The following NCOA6 variants were observed in gnomAD, a reference collection of about 807,000 sequenced individuals.
NCOA6 encodes nuclear receptor coactivator 6.
NCOA6 carries 49 observed loss-of-function variants against 171.4 expected under a neutral mutation model. The observed-to-expected ratio is 0.29, with a 90% CI of 0.23 to 0.36. The LOEUF is 0.36. Among genes scored for constraint, NCOA6 ranks in the 10% least tolerant of loss-of-function variants. The pLI, the probability that NCOA6 is intolerant of heterozygous loss-of-function variation, is 1.00. For missense variants in NCOA6, 2,248 were observed against 2,554.5 expected (o/e 0.88, Z 2.59); for synonymous variants, 910 against 927.5 (o/e 0.98, Z 0.34).
chr20:34,775,049 G>A (rs2077265269), intron 4 of NCOA6, among the ~76,000 whole-genome samples: 1 of 152,180 alleles, frequency 6.6e-6, no homozygotes, highest in Non-Finnish European at 1.5e-5. Flanking sequence ...ACTAGGGGAA[G>A]GGGGTTGGTA....
At chr20:34,725,254 A>G (rs1989825858) in intron 14 of NCOA6, among the ~76,000 whole-genome samples, 1 of 152,226 alleles carries the variant, frequency 6.6e-6, no homozygotes, top group South Asian at 2.1e-4. Flanking sequence ...ATCAGACATA[A>G]TCTCCTGCCC....
intron 1 of NCOA6, among the ~76,000 whole-genome samples, chr20:34,824,496 T>G (rs2079095032): frequency 6.6e-6 from 1 of 152,232 alleles, no homozygotes; most frequent in African/African-American, 2.4e-5. Flanking sequence ...CCTCTCCAGG[T>G]GACTCTGCTC....
intron 14 of NCOA6, among the ~76,000 whole-genome samples, chr20:34,716,785 C>A (rs562411714): frequency 2.4e-4 from 37 of 151,460 alleles, no homozygotes; most frequent in Non-Finnish European, 5.0e-4. Context: ...AAAAAAAATT[C>A]TACACAAAGT....
intron 10 of NCOA6, among the ~76,000 whole-genome samples, chr20:34,743,896 G>C (rs2076226881): frequency 6.6e-6 from 1 of 152,240 alleles, no homozygotes. Context: ...AAAATTCTAG[G>C]ATTCAGTTCC....
Position 34,792,576 on chromosome 20 carries a change from A to C in NCOA6, c.-163-13T>G, listed in dbSNP as rs2077922278. The C allele has an allele frequency of 5.0e-6, 2 of 398,382 alleles. No individual in the cohort carries two copies. Among genetic ancestry groups the C allele is most frequent in the Admixed American group, 8.8e-5 (2 of 22,658 alleles). 24.7% of individuals were successfully genotyped at this position (398,382 alleles called of 1,614,324 possible). ...CCAAATCAAAATTCTAAAAACAAAC[A>C]ACAACAACAACAACAAAAAGAGAGA... is the stretch of plus-strand genomic sequence containing the variant. On this transcript the variant is annotated splice_polypyrimidine_tract_variant and intron_variant, in intron 1 of 14. Transcript: ENST00000359003.
At chr20:34,763,887 A>G (rs2145901817) in intron 5 of NCOA6, among the ~76,000 whole-genome samples, 1 of 152,230 alleles carries the variant, frequency 6.6e-6, no homozygotes, top group East Asian at 1.9e-4. Flanking sequence ...CTGAATTCTA[A>G]CTTGCTTCTT....
At chr20:34,759,350 T>C (rs1222000054) in intron 5 of NCOA6, among the ~76,000 whole-genome samples, 1 of 152,224 alleles carries the variant, frequency 6.6e-6, no homozygotes, top group Admixed American at 6.5e-5. Flanking sequence ...TGGAAGTTTC[T>C]ACACCCACCA....
intron 4 of NCOA6, among the ~76,000 whole-genome samples, chr20:34,770,831 T>C (rs1380243818): frequency 2.6e-5 from 4 of 151,986 alleles, no homozygotes; most frequent in African/African-American, 4.8e-5. Flanking sequence ...GGTTTCACCA[T>C]GTTGGCCAGA....
chr20:34,814,343 A>G (rs79174874), intron 1 of NCOA6, among the ~76,000 whole-genome samples: 14 of 150,134 alleles, frequency 9.3e-5, no homozygotes, highest in Non-Finnish European at 1.3e-4. Flanking sequence ...CATCTTGGGG[A>G]AAAAAAAAAT....
At position 34,768,550 on chromosome 20, in the gene NCOA6, C is replaced by T. The variant is rs150862623; in HGVS notation, c.428G>A (p.Arg143Gln). The change falls in exon 5 of 15, where the codon CGA becomes CAA. Residue 143 changes from arginine to glutamine, a missense_variant. Around this residue, in one of 7 missense-constraint regions of NCOA6, gnomAD observed 987 missense variants for 1,104.7 expected, o/e 0.89. Coordinates refer to ENST00000359003, the MANE Select transcript of NCOA6 (RefSeq NM_014071.5). ...GAINLALAQN[R>Q]SQDVRMNGPM... ...TCCATTCATTCTCACATCTTGGCTT[C>T]GGTTCTGAGCCAAAGCCAGGTTAAT... is the stretch of plus-strand genomic sequence containing the variant. The T allele has an allele frequency of 8.6e-5, 138 of 1,613,970 alleles. No homozygotes were observed. Among genetic ancestry groups the T allele is most frequent in the South Asian group, 1.2e-4 (11 of 91,092 alleles).
chr20:34,751,558 C>T (rs574052252), intron 8 of NCOA6, among the ~76,000 whole-genome samples: 1 of 151,890 alleles, frequency 6.6e-6, no homozygotes, highest in Non-Finnish European at 1.5e-5. Flanking sequence ...GTCCTCTGCC[C>T]TGATGTGGTA....
At chr20:34,726,992 A>AAAAACCC (rs1386597751) in intron 14 of NCOA6, among the ~76,000 whole-genome samples, 2 of 152,182 alleles carry the variant, frequency 1.3e-5, no homozygotes, top group African/African-American at 4.8e-5. Flanking sequence ...ACAACAACAA[A>AAAAACCC]AAAACCCAAA....
intron 1 of NCOA6, among the ~76,000 whole-genome samples, chr20:34,796,781 T>C (rs1015274771): frequency 5.9e-5 from 9 of 151,664 alleles, no homozygotes; most frequent in African/African-American, 2.2e-4. Flanking sequence ...GGAATTCCAC[T>C]GCTTTCCAGC....
rs149401671 is a variant in NCOA6 at position 34,770,452 on chromosome 20, A to G, written c.392-1866T>C. On this transcript the variant is annotated intron_variant, in intron 4 of 14. Coordinates refer to ENST00000359003, the MANE Select transcript of NCOA6 (RefSeq NM_014071.5). ...TAGCTTGCCTCTAGAAGTCAGGCGT[A>G]AAAAGAGAAACAGAATACAGGTCAT... is the stretch of plus-strand genomic sequence containing the variant. Among the ~76,000 whole-genome samples, 177 of 152,276 alleles carry G rather than the reference A, an allele frequency of 1.2e-3. 1 individual carries two copies. The highest frequency in any genetic ancestry group is 2.1e-3 in the Admixed American group (32 of 15,290).
rs556418086 is a variant in NCOA6 at position 34,753,697 on chromosome 20, T to G, written c.1675+1025A>C. Among the ~76,000 whole-genome samples the G allele has an allele frequency of 4.6e-5, 7 of 152,072 alleles. No homozygotes were observed. In the East Asian group the frequency reaches 1.4e-3, roughly 30 times the overall value. ...AAAATAAAAAAAAAACAAACATGAA[T>G]TCATATAACTCAGGAATGCAGTTTT... On this transcript the variant is annotated intron_variant, in intron 8 of 14. Coordinates refer to ENST00000359003, the MANE Select transcript of NCOA6 (RefSeq NM_014071.5).
intron 2 of NCOA6, among the ~76,000 whole-genome samples, chr20:34,785,583 G>T (rs1463803667): frequency 6.6e-6 from 1 of 152,004 alleles, no homozygotes; most frequent in Non-Finnish European, 1.5e-5. Flanking sequence ...GATTTTTAGG[G>T]CTTAAAAGTT....
intron 1 of NCOA6, among the ~76,000 whole-genome samples, chr20:34,811,201 G>GTATGTATATATATATATATATA (rs1244311939): frequency 3.0e-4 from 16 of 53,836 alleles, no homozygotes; most frequent in South Asian, 2.4e-3. Flanking sequence ...ACAACAACGT[G>GTATGTATATATATATATATATA]TATATATATA....
chr20:34,772,651 G>C (rs1268842049), intron 4 of NCOA6, among the ~76,000 whole-genome samples: 2 of 151,130 alleles, frequency 1.3e-5, no homozygotes, highest in East Asian at 3.9e-4. Context: ...CCTGGTTAAA[G>C]GTGCTGAGAT....
At chr20:34,807,653 G>A (rs1014170817) in intron 1 of NCOA6, among the ~76,000 whole-genome samples, 1 of 151,942 alleles carries the variant, frequency 6.6e-6, no homozygotes, top group Admixed American at 6.6e-5. Context: ...AGCCTCCCAA[G>A]TGGCTGGGAC....
Sources: allele counts gnomAD v4.1 joint callset (sites outside exome capture counted in the v4.1 genomes callset), GRCh38; gene constraint gnomAD v4.1.1; regional missense constraint gnomAD v4.1.1; transcripts MANE v1.5; gene names NCBI Gene and HGNC (gene_info 2026-07-23, HGNC 2026-07-21).